KCNB2: variants seen among roughly 807,000 people sequenced by gnomAD.
KCNB2 encodes delayed rectifier potassium channel protein.
Under a neutral mutation model 61.5 loss-of-function variants are expected in KCNB2, and 15 were observed. The observed-to-expected ratio is 0.24, with a 90% CI of 0.16 to 0.38. The LOEUF is 0.38. Ranked by LOEUF, KCNB2 falls within the 10% of genes least tolerant of loss-of-function variation. The pLI is 1.00. For synonymous variants in KCNB2, 457 were observed against 446.0 expected (o/e 1.02, Z -0.31); for missense variants, 828 against 1,125.2 (o/e 0.74, Z 3.78).
intron 1 of KCNB2, among the ~76,000 whole-genome samples, chr8:72,560,100 T>A (rs1406353364): frequency 6.6e-6 from 1 of 152,156 alleles, no homozygotes; most frequent in Non-Finnish European, 1.5e-5. Context: ...TATAATGTGT[T>A]TGATTATGGA....
intron 2 of KCNB2, among the ~76,000 whole-genome samples, chr8:72,779,343 A>G (rs970839644): frequency 6.6e-6 from 1 of 152,188 alleles, no homozygotes; most frequent in Non-Finnish European, 1.5e-5. Flanking sequence ...AAAGGATAAA[A>G]CTGCAGCCAC....
intron 2 of KCNB2, among the ~76,000 whole-genome samples, chr8:72,868,990 A>C (rs1251594895): frequency 6.6e-6 from 1 of 152,202 alleles, no homozygotes; most frequent in African/African-American, 2.4e-5. Flanking sequence ...GCAGATGACT[A>C]TAAATTGGGG....
At chr8:72,605,047 G>A (rs1358236115) in intron 2 of KCNB2, among the ~76,000 whole-genome samples, 1 of 152,208 alleles carries the variant, frequency 6.6e-6, no homozygotes, top group African/African-American at 2.4e-5. Flanking sequence ...TTTGGAGACA[G>A]CCAATCAACC....
chr8:72,867,982 T>A (rs1165191994), intron 2 of KCNB2, among the ~76,000 whole-genome samples: 1 of 152,006 alleles, frequency 6.6e-6, no homozygotes, highest in East Asian at 1.9e-4. Context: ...TTGAAATGAT[T>A]GGTAAACATG....
chr8:72,852,571 C>T (rs1453197947), intron 2 of KCNB2, among the ~76,000 whole-genome samples: 1 of 152,114 alleles, frequency 6.6e-6, no homozygotes, highest in African/African-American at 2.4e-5. Flanking sequence ...GATGCAAAAG[C>T]CATCAATAGC....
chr8:72,611,964 AT>A (rs1467891166), intron 2 of KCNB2, among the ~76,000 whole-genome samples: 6 of 152,204 alleles, frequency 3.9e-5, no homozygotes, highest in African/African-American at 1.4e-4. Context: ...TGTTAAAAAA[AT>A]CCTTAAACGC....
intron 2 of KCNB2, among the ~76,000 whole-genome samples, chr8:72,782,343 C>A (rs183538312): frequency 6.6e-6 from 1 of 152,030 alleles, no homozygotes; most frequent in East Asian, 1.9e-4. Context: ...TATCCTGAGA[C>A]GGCAGACACA....
intron 1 of KCNB2, among the ~76,000 whole-genome samples, chr8:72,553,836 A>G (rs768135755): frequency 6.6e-6 from 1 of 152,132 alleles, no homozygotes; most frequent in Non-Finnish European, 1.5e-5. Flanking sequence ...ATTTTATTGC[A>G]GGCATTTTAT....
intron 2 of KCNB2, among the ~76,000 whole-genome samples, chr8:72,718,144 C>G (rs1212653182): frequency 6.6e-6 from 1 of 152,050 alleles, no homozygotes; most frequent in Non-Finnish European, 1.5e-5. Flanking sequence ...GAATGGCAAT[C>G]ATTAAAAAGT....
chr8:72,749,225 C>A (rs1462000629), intron 2 of KCNB2: 11 of 152,106 alleles, frequency 7.2e-5, no homozygotes, highest in Non-Finnish European at 1.5e-5. Context: ...CTCAGTTGAT[C>A]CTCATGCCTC....
chr8:72,612,284 C>CAGTGAAGAG (rs1172343056), intron 2 of KCNB2, among the ~76,000 whole-genome samples: 1 of 152,140 alleles, frequency 6.6e-6, no homozygotes, highest in Non-Finnish European at 1.5e-5. Context: ...GCAGTGTTCT[C>CAGTGAAGAG]AGTGAAGAGT....
intron 1 of KCNB2, among the ~76,000 whole-genome samples, chr8:72,556,889 C>T (rs915666539): frequency 1.3e-5 from 2 of 152,086 alleles, no homozygotes; most frequent in Admixed American, 6.6e-5. Context: ...ATTTATTTCT[C>T]ACAGTTCTGG....
intron 2 of KCNB2, among the ~76,000 whole-genome samples, chr8:72,886,655 C>T (rs1009070553): frequency 1.3e-5 from 2 of 152,204 alleles, no homozygotes; most frequent in African/African-American, 4.8e-5. Context: ...AGCTTATCCC[C>T]ACAAAGCCTA....
intron 2 of KCNB2, among the ~76,000 whole-genome samples, chr8:72,626,021 A>G (rs1024281928): frequency 2.6e-5 from 4 of 152,236 alleles, no homozygotes; most frequent in African/African-American, 9.6e-5. Flanking sequence ...CAATTTCAAA[A>G]TCAGCTTATT....
intron 2 of KCNB2, among the ~76,000 whole-genome samples, chr8:72,662,065 T>C (rs1806390025): frequency 6.6e-6 from 1 of 152,182 alleles, no homozygotes; most frequent in Non-Finnish European, 1.5e-5. Context: ...AATTCCAGCA[T>C]CCAGTTCTTC....
intron 2 of KCNB2, among the ~76,000 whole-genome samples, chr8:72,804,266 A>G (rs753486395): frequency 6.6e-6 from 1 of 152,210 alleles, no homozygotes; most frequent in Non-Finnish European, 1.5e-5. Context: ...TAACAAGAGC[A>G]AGTATACCTG....
chr8:72,674,116 T>A (rs2128988415), intron 2 of KCNB2, among the ~76,000 whole-genome samples: 1 of 152,320 alleles, frequency 6.6e-6, no homozygotes, highest in African/African-American at 2.4e-5. Context: ...GTGATAGTGA[T>A]AAGGGCATAG....
chr8:72,668,221 G>T (rs1806509186), intron 2 of KCNB2, among the ~76,000 whole-genome samples: 1 of 152,188 alleles, frequency 6.6e-6, no homozygotes, highest in Non-Finnish European at 1.5e-5. Context: ...GCTGCCCTGA[G>T]CCTTGATGTC....
intron 2 of KCNB2, among the ~76,000 whole-genome samples, chr8:72,651,928 C>T (rs966278712): frequency 6.6e-6 from 1 of 152,030 alleles, no homozygotes; most frequent in African/African-American, 2.4e-5. Flanking sequence ...GGGCATGATC[C>T]CATTTGCCCC....
Sources: allele counts gnomAD v4.1 joint callset (sites outside exome capture counted in the v4.1 genomes callset), GRCh38; gene constraint gnomAD v4.1.1; transcripts MANE v1.5; gene names NCBI Gene and HGNC (gene_info 2026-07-23, HGNC 2026-07-21).